The following VGF variants were observed in gnomAD, a reference collection of about 807,000 sequenced individuals.
VGF encodes VGF nerve growth factor inducible.
Under a neutral mutation model 41.1 loss-of-function variants are expected in VGF, and 13 were observed. The ratio of observed to expected loss-of-function variants is 0.32; its 90% CI spans 0.21 to 0.50. The LOEUF (loss-of-function observed/expected upper bound fraction) is 0.50, where lower values mean the gene tolerates loss of function less well. Ranked by LOEUF, VGF falls within the 20% of genes least tolerant of loss-of-function variation. The pLI, the probability that VGF is intolerant of heterozygous loss-of-function variation, is 0.98. For synonymous variants in VGF, 473 were observed against 418.3 expected, an observed-to-expected ratio of 1.13 and a Z score of -1.60; for missense variants, 920 against 882.1, an observed-to-expected ratio of 1.04 and a Z score of -0.54.
chr7:101,164,234 G>A lies in VGF; in HGVS notation c.610C>T (p.Arg204Cys). The change falls in exon 2 of 2, where the codon CGC (arginine) becomes TGC (cysteine). Residue 204 changes from arginine (R) to cysteine (C), a missense_variant. Arg to Cys is a radical substitution (Grantham distance 180, BLOSUM62 -3). Transcript: ENST00000249330. ...TCTCCCCAGGAAGCGCGCCATACGC[G>A]CTCTGGCCCCGGGCTCTCCAGATTC... ...RVNLESPGPE[R>C]VWRASWGEFQ... 1 of 1,578,900 alleles carries A rather than the reference G, an allele frequency of 6.3e-7. No individual in the cohort carries two copies. The highest frequency in any genetic ancestry group is 8.6e-7 in the Non-Finnish European group (1 of 1,164,640).
In VGF at chr7:101,164,759, C is replaced by T. The variant is rs147256753; in HGVS notation, c.85G>A (p.Glu29Lys). 3.6e-4 allele frequency: 572 copies of T among 1,610,194 alleles called. 1 individual carries two copies. The highest frequency in any genetic ancestry group is 4.7e-4 in the Non-Finnish European group (548 of 1,177,704). The change falls in exon 2 of 2, where the codon GAG (glutamate) becomes AAG (lysine). Residue 29 changes from glutamate (E) to lysine (K), a missense_variant. Around this residue, in one of 3 missense-constraint regions of VGF, gnomAD observed 654 missense variants for 638.4 expected, o/e 1.02. Transcript: ENST00000249330. Reference protein sequence around the residue: ...GLGAAPPGRPEAQPPPLSSEH... With the variant: ...GLGAAPPGRPKAQPPPLSSEH... ...GAGCTGAGAGGAGGAGGCTGCGCCTCAGGGCGACCAGGGGGTGCTGCCCCT... is the reference window on the plus strand; with the variant it reads ...GAGCTGAGAGGAGGAGGCTGCGCCTTAGGGCGACCAGGGGGTGCTGCCCCT...
chr7:101,166,564 G>A (rs1797222621), upstream of VGF, among the ~76,000 whole-genome samples: 1 of 150,766 alleles, frequency 6.6e-6, no homozygotes, highest in African/African-American at 2.4e-5. Flanking sequence ...TAAAGGGAAG[G>A]TTTGAACGCG....
upstream of VGF, among the ~76,000 whole-genome samples, chr7:101,168,741 G>A (rs1797259834): frequency 6.6e-6 from 1 of 152,180 alleles, no homozygotes; most frequent in Admixed American, 6.5e-5. Flanking sequence ...AACCAGGAGA[G>A]TGGGGAAGAG....
chr7:101,165,720 T>G, upstream of VGF: 1 of 940,638 alleles, frequency 1.1e-6, no homozygotes, highest in South Asian at 4.9e-5. Flanking sequence ...GGTGCCTGCC[T>G]CTCCCGGCCT....
chr7:101,164,906 A>G, intron 1 of VGF, 43 bp from the exon 2 acceptor site: 2 of 1,484,862 alleles, frequency 1.3e-6, no homozygotes, highest in Non-Finnish European at 1.8e-6. Flanking sequence ...TTCTGTAAGA[A>G]TTCCCCTCTC....
At chr7:101,165,987 G>T (rs1330993727), upstream of VGF, among the ~76,000 whole-genome samples, 2 of 152,204 alleles carry the variant, frequency 1.3e-5, no homozygotes, top group Non-Finnish European at 2.9e-5. Context: ...TTGCTGAGTG[G>T]AATAGAAAAA....
chr7:101,168,006 GTTGTTTTTTT>G (rs1797246057), upstream of VGF, among the ~76,000 whole-genome samples: 1 of 128,532 alleles, frequency 7.8e-6, no homozygotes, highest in African/African-American at 3.0e-5. Context: ...TGTGTGCTGG[GTTGTTTTTTT>G]TTGTTTTTTT....
intron 1 of VGF, chr7:101,165,135 T>G (rs1797197398): frequency 8.7e-7 from 1 of 1,143,646 alleles, no homozygotes. Flanking sequence ...GCCCACGTAC[T>G]AAGCAGCAGC....
rs1422206923 is a variant in VGF at position 101,162,588 on chromosome 7, AGGGGTCAATTCACAGCGACTT to A, written c.*387_*407del. On this transcript the variant is annotated 3_prime_UTR_variant, in exon 2 of 2. Transcript: ENST00000249330. This position sits in a 1 kb window ranked among gnomAD's most constrained non-coding sequence, Gnocchi z 4.2. ...GTATTTACAACAGAGAAAGGAAAGAAGGGGTCAATTCACAGCGACTTGGAGAGGCTGGAGGGGCTCGTGGGA... is the reference window on the plus strand; with the variant it reads ...GTATTTACAACAGAGAAAGGAAAGAAGGAGAGGCTGGAGGGGCTCGTGGGA... 6.7e-6 allele frequency: 2 copies of A among 298,792 alleles called. No homozygotes were observed. The highest frequency in any genetic ancestry group is 1.3e-5 in the Non-Finnish European group (2 of 151,872). The allele number at this position is 298,792 out of a possible 1,614,324, so 18.5% of individuals were successfully genotyped here.
At chr7:101,166,037 A>G (rs1035196912), upstream of VGF, among the ~76,000 whole-genome samples, 1 of 152,162 alleles carries the variant, frequency 6.6e-6, no homozygotes. Context: ...GTGGGAGCTC[A>G]ATACTGGGGA....
chr7:101,167,003 C>T (rs1302351997), upstream of VGF, among the ~76,000 whole-genome samples: 3 of 152,026 alleles, frequency 2.0e-5, no homozygotes, highest in Non-Finnish European at 4.4e-5. This position sits in a 1 kb window ranked among gnomAD's most constrained non-coding sequence, Gnocchi z 4.2. Context: ...GCAGGGCACC[C>T]GCACCCTGAG....
chr7:101,164,851 A>G lies in VGF; in HGVS notation c.-8T>C, dbSNP rs1797192855. ...CAATCTGAGGGCTTTCATGACCAAG[A>G]GGCTGCCGGAGACTGAAAAATAGAA... On this transcript the variant is annotated 5_prime_UTR_variant, in exon 2 of 2. Coordinates refer to ENST00000249330, the MANE Select transcript of VGF (RefSeq NM_003378.4). The G allele has an allele frequency of 1.9e-6, 3 of 1,541,744 alleles. No homozygotes were observed. The highest frequency in any genetic ancestry group is 2.6e-6 in the Non-Finnish European group (3 of 1,143,284).
At chr7:101,169,151 C>T (rs1259483065), upstream of VGF, among the ~76,000 whole-genome samples, 2 of 152,056 alleles carry the variant, frequency 1.3e-5, no homozygotes, top group East Asian at 3.9e-4. Flanking sequence ...TCCCATTCGC[C>T]CTCAGACCCC....
intron 1 of VGF, 124 bp downstream of exon 1, chr7:101,165,250 C>T (rs1584213860): frequency 3.0e-6 from 3 of 992,362 alleles, no homozygotes; most frequent in African/African-American, 1.7e-5. Context: ...CCCCGTTTAC[C>T]GGGGACCCTT....
chr7:101,165,673 G>T (rs1017653350), upstream of VGF: 110 of 985,176 alleles, frequency 1.1e-4, 1 homozygote, highest in South Asian at 1.4e-3. Context: ...GGAAGCGGGC[G>T]GCCGCCCGGA....
Position 101,163,927 on chromosome 7 carries a change from G to T in VGF, c.917C>A (p.Ala306Asp). 2 of 1,462,174 alleles carry T rather than the reference G, an allele frequency of 1.4e-6. No individual in the cohort carries two copies. Among genetic ancestry groups the T allele is most frequent in the Non-Finnish European group, 8.9e-7 (1 of 1,119,200 alleles). The allele number at this position is 1,462,174 out of a possible 1,614,324, so 90.6% of individuals were successfully genotyped here. The change falls in exon 2 of 2, where the codon GCC (alanine) becomes GAC (aspartate). Residue 306 changes from alanine (A) to aspartate (D), a missense_variant. Physicochemically the swap from Ala to Asp is moderately radical, Grantham distance 126. This residue lies in a region of VGF where 654 missense variants were observed against 638.4 expected (regional missense o/e 1.02). Coordinates refer to ENST00000249330, the MANE Select transcript of VGF (RefSeq NM_003378.4). This position sits in a 1 kb window ranked among gnomAD's most constrained non-coding sequence, Gnocchi z 5.0. ...LLQQGLAQVE[A>D]GRRQAEATRQ... Reference sequence around the variant, plus strand: ...CGTGGCCTCCGCCTGCCGCCGCCCGGCCTCCACCTGCGCCAGCCCTTGCTG... The same window carrying T: ...CGTGGCCTCCGCCTGCCGCCGCCCGTCCTCCACCTGCGCCAGCCCTTGCTG...
Position 101,164,280 on chromosome 7 carries a change from G to C in VGF, c.564C>G (p.Arg188=). The change falls in exon 2 of 2, where the codon CGC becomes CGG. Residue 188 remains arginine (R), a synonymous_variant. Transcript: ENST00000249330. The part of the protein sequence containing the change: ...QETAAAETET[R]THTLTRVNLE... ...GATTCACTCGGGTCAGCGTGTGCGT[G>C]CGGGTTTCCGTCTCTGCTGCCGCCG... is the stretch of plus-strand genomic sequence containing the variant. 1 of 1,606,216 alleles carries C rather than the reference G, an allele frequency of 6.2e-7. No individual in the cohort carries two copies. Among genetic ancestry groups the C allele is most frequent in the South Asian group, 1.1e-5 (1 of 91,074 alleles).
At position 101,164,727 on chromosome 7, in the gene VGF, A is replaced by G; in HGVS notation, c.117T>C (p.His39=). Residue 39 remains histidine (H), a synonymous_variant, in exon 2 of 2, where the codon CAT becomes CAC. Coordinates refer to ENST00000249330, the MANE Select transcript of VGF (RefSeq NM_003378.4). ...CTGCGTCCCCGGCTACCGGCTCTTT[A>G]TGCTCAGAGCTGAGAGGAGGAGGCT... ...EAQPPPLSSE[H]KEPVAGDAVP... 1 of 1,611,296 alleles carries G rather than the reference A, an allele frequency of 6.2e-7. No individual in the cohort carries two copies. Among genetic ancestry groups the G allele is most frequent in the East Asian group, 2.2e-5 (1 of 44,804 alleles).
At position 101,163,404 on chromosome 7, in the gene VGF, C is replaced by G; in HGVS notation, c.1440G>C (p.Arg480=). The part of the protein sequence containing the change: ...VSIIEEVEEK[R]KRKKNAPPEP... The stretch of plus-strand genomic sequence containing the variant: ...CGGGAGGGGCGTTCTTCTTCCGCTT[C>G]CGCTTCTCCTCCACCTCCTCGATGA... The change falls in exon 2 of 2, where the codon CGG becomes CGC. Residue 480 remains arginine, a synonymous_variant. Transcript: ENST00000249330. This position sits in a 1 kb window ranked among gnomAD's most constrained non-coding sequence, Gnocchi z 5.0. 1.2e-6 allele frequency: 2 copies of G among 1,604,686 alleles called. No individual in the cohort carries two copies. Among genetic ancestry groups the G allele is most frequent in the Non-Finnish European group, 1.7e-6 (2 of 1,179,234 alleles).
Sources: gnomAD v4.1 joint callset for allele counts (sites outside exome capture counted in the v4.1 genomes callset) on GRCh38, gnomAD v4.1.1 for gene constraint, gnomAD v4.1.1 regional missense constraint, Gnocchi (gnomAD v3.1) non-coding constraint, MANE v1.5 for transcripts, NCBI Gene and HGNC (gene_info 2026-07-23, HGNC 2026-07-21) for gene names.